The following SLC24A3 variants were observed in gnomAD, a reference collection of about 807,000 sequenced individuals.
SLC24A3 encodes the protein sodium/potassium/calcium exchanger 3.
A neutral mutation model predicts 75.8 loss-of-function variants in SLC24A3; 28 were observed. The observed-to-expected ratio is 0.37, with a 90% CI of 0.27 to 0.51. The LOEUF (loss-of-function observed/expected upper bound fraction) is 0.51, where lower values mean the gene tolerates loss of function less well. Ranked by LOEUF, SLC24A3 falls within the 20% of genes least tolerant of loss-of-function variation. The pLI, the probability that SLC24A3 is intolerant of heterozygous loss-of-function variation, is 0.94. For missense variants in SLC24A3, 663 were observed against 847.8 expected, an observed-to-expected ratio of 0.78 and a Z score of 2.71; for synonymous variants, 372 against 334.1, an observed-to-expected ratio of 1.11 and a Z score of -1.24.
intron 6 of SLC24A3, among the ~76,000 whole-genome samples, chr20:19,625,567 T>C (rs1314919711): frequency 6.6e-6 from 1 of 152,200 alleles, no homozygotes; most frequent in African/African-American, 2.4e-5. Flanking sequence ...CTGAATTTAC[T>C]AAGAAAATCC....
At chr20:19,461,529 C>CTTTTTTTTTTTTTTTTTT (rs11468628) in intron 2 of SLC24A3, among the ~76,000 whole-genome samples, 29 of 101,410 alleles carry the variant, frequency 2.9e-4, no homozygotes, top group Non-Finnish European at 3.7e-4. Flanking sequence ...TCTTTTTTTT[C>CTTTTTTTTTTTTTTTTTT]TTTTTTTTTT....
chr20:19,621,809 AC>A (rs1175622063), intron 6 of SLC24A3, among the ~76,000 whole-genome samples: 1 of 151,712 alleles, frequency 6.6e-6, no homozygotes, highest in Non-Finnish European at 1.5e-5. Flanking sequence ...CTTCCCTGGA[AC>A]CCCTGGCTCC....
At chr20:19,222,767 TCCCC>T (rs1981753502) in intron 1 of SLC24A3, among the ~76,000 whole-genome samples, 1 of 87,532 alleles carries the variant, frequency 1.1e-5, no homozygotes, top group East Asian at 1.2e-3. Context: ...CCTTCCCTCC[TCCCC>T]TTCCCCTCCC....
intron 12 of SLC24A3, among the ~76,000 whole-genome samples, chr20:19,686,315 C>A (rs1000795523): frequency 9.2e-5 from 14 of 152,178 alleles, no homozygotes; most frequent in Non-Finnish European, 1.5e-4. Flanking sequence ...ACCTCAGCCA[C>A]CAGGGTGGTG....
At chr20:19,536,009 A>G (rs931327842) in intron 3 of SLC24A3, among the ~76,000 whole-genome samples, 1 of 152,110 alleles carries the variant, frequency 6.6e-6, no homozygotes, top group African/African-American at 2.4e-5. Flanking sequence ...CCTCACAATA[A>G]TGGCATTAAT....
intron 2 of SLC24A3, among the ~76,000 whole-genome samples, chr20:19,446,859 C>T (rs1180954682): frequency 6.6e-6 from 1 of 152,214 alleles, no homozygotes; most frequent in Non-Finnish European, 1.5e-5. Context: ...CAGTGCTCGT[C>T]GTCAGCTGCA....
chr20:19,461,529 C>CTTTTTTTTTTTTTTTTTTTT (rs11468628), intron 2 of SLC24A3, among the ~76,000 whole-genome samples: 76 of 101,402 alleles, frequency 7.5e-4, no homozygotes, highest in South Asian at 1.2e-3. Context: ...TCTTTTTTTT[C>CTTTTTTTTTTTTTTTTTTTT]TTTTTTTTTT....
chr20:19,467,803 C>G (rs1987793797), intron 2 of SLC24A3, among the ~76,000 whole-genome samples: 1 of 151,766 alleles, frequency 6.6e-6, no homozygotes, highest in South Asian at 2.1e-4. Context: ...ATAGCTTGAA[C>G]CTGGGAGGTG....
chr20:19,539,642 G>T (rs1484656132), intron 3 of SLC24A3, among the ~76,000 whole-genome samples: 4 of 152,072 alleles, frequency 2.6e-5, no homozygotes, highest in Non-Finnish European at 5.9e-5. Context: ...CCATCATAAG[G>T]GTCTCAACTG....
intron 16 of SLC24A3, among the ~76,000 whole-genome samples, chr20:19,718,448 A>T (rs993472845): frequency 6.6e-6 from 1 of 152,170 alleles, no homozygotes; most frequent in African/African-American, 2.4e-5. Flanking sequence ...AATGTTTTGT[A>T]TACATATCTT....
At chr20:19,241,532 C>T (rs185686460) in intron 1 of SLC24A3, among the ~76,000 whole-genome samples, 31 of 152,276 alleles carry the variant, frequency 2.0e-4, no homozygotes, top group Admixed American at 1.2e-3. Context: ...TCGCTTTGGC[C>T]GGGGTAGCTC....
At chr20:19,361,443 GA>G (rs375177018) in intron 2 of SLC24A3, among the ~76,000 whole-genome samples, 214 of 152,320 alleles carry the variant, frequency 1.4e-3, no homozygotes, top group African/African-American at 4.9e-3. Context: ...GCAGAGGGAA[GA>G]AAAGGAAAAG....
chr20:19,388,020 G>C (rs906558105), intron 2 of SLC24A3, among the ~76,000 whole-genome samples: 7 of 152,098 alleles, frequency 4.6e-5, no homozygotes, highest in African/African-American at 1.7e-4. Context: ...TTTTGATACA[G>C]GTATGCAATG....
chr20:19,245,249 T>A (rs1982453060), intron 1 of SLC24A3, among the ~76,000 whole-genome samples: 2 of 152,106 alleles, frequency 1.3e-5, no homozygotes, highest in African/African-American at 4.8e-5. Flanking sequence ...ATTAACATAT[T>A]ATAGTAATGG....
At chr20:19,298,981 C>T (rs1984127773) in intron 2 of SLC24A3, among the ~76,000 whole-genome samples, 1 of 152,164 alleles carries the variant, frequency 6.6e-6, no homozygotes. Flanking sequence ...GTCCCCATGG[C>T]CGAAGACAGC....
At chr20:19,696,707 A>G (rs1274436423) in intron 13 of SLC24A3, 90 bp from the exon 14 acceptor site, 1 of 843,720 alleles carries the variant, frequency 1.2e-6, no homozygotes, top group Admixed American at 1.9e-5. Context: ...AGCCCAGACC[A>G]TAGCCTGTTG....
chr20:19,591,138 A>G (rs2031370701), intron 6 of SLC24A3, among the ~76,000 whole-genome samples: 1 of 151,972 alleles, frequency 6.6e-6, no homozygotes, highest in African/African-American at 2.4e-5. Context: ...AAGGCCACCC[A>G]CCTGGCTCTG....
intron 3 of SLC24A3, among the ~76,000 whole-genome samples, chr20:19,570,075 G>T (rs138478686): frequency 2.4e-4 from 37 of 152,232 alleles, no homozygotes; most frequent in African/African-American, 8.9e-4. Flanking sequence ...TTAAGAAAGG[G>T]GGTTTAATTG....
intron 8 of SLC24A3, among the ~76,000 whole-genome samples, chr20:19,672,661 A>G (rs979602815): frequency 6.6e-6 from 1 of 152,182 alleles, no homozygotes; most frequent in Non-Finnish European, 1.5e-5. Flanking sequence ...TAATGGATAC[A>G]TGAACCTACG....
Sources: gnomAD v4.1 joint callset for allele counts (sites outside exome capture counted in the v4.1 genomes callset) on GRCh38, gnomAD v4.1.1 for gene constraint, MANE v1.5 for transcripts, NCBI Gene and HGNC (gene_info 2026-07-23, HGNC 2026-07-21) for gene names.